Variants in CNTNAP2 observed in about 807,000 individuals in gnomAD.
CNTNAP2 encodes contactin associated protein 2.
A neutral mutation model predicts 155.2 loss-of-function variants in CNTNAP2; 98 were observed. That is an observed-to-expected ratio of 0.63 (90% CI 0.54 to 0.75). CNTNAP2 has a LOEUF of 0.75. Ranked by LOEUF, CNTNAP2 falls within the 30% of genes least tolerant of loss-of-function variation. CNTNAP2 has a pLI of 0.00. For synonymous variants in CNTNAP2, 651 were observed against 631.2 expected (o/e 1.03, Z -0.47); for missense variants, 1,727 against 1,688.1 (o/e 1.02, Z -0.40).
At chr7:147,551,655 C>T (rs1799854728) in intron 11 of CNTNAP2, among the ~76,000 whole-genome samples, 1 of 152,146 alleles carries the variant, frequency 6.6e-6, no homozygotes, top group Non-Finnish European at 1.5e-5. Context: ...TATCCTGAAC[C>T]TAAATCAGAT....
At chr7:146,728,638 C>T (rs1230139614) in intron 1 of CNTNAP2, among the ~76,000 whole-genome samples, 3 of 151,298 alleles carry the variant, frequency 2.0e-5, no homozygotes, top group Non-Finnish European at 4.4e-5. Context: ...AAACAACAGC[C>T]TTTGTCCTAA....
intron 22 of CNTNAP2, among the ~76,000 whole-genome samples, chr7:148,388,848 T>A (rs535271770): frequency 6.6e-6 from 1 of 151,972 alleles, no homozygotes; most frequent in Non-Finnish European, 1.5e-5. Context: ...AGAACAGCGG[T>A]TTTTCGTGAA....
chr7:146,705,829 A>G (rs915795243), intron 1 of CNTNAP2, among the ~76,000 whole-genome samples: 9 of 152,058 alleles, frequency 5.9e-5, no homozygotes, highest in Non-Finnish European at 8.8e-5. Flanking sequence ...CACTTGACAC[A>G]TAGGGATTAT....
At chr7:148,164,154 C>T (rs527376406) in intron 17 of CNTNAP2, among the ~76,000 whole-genome samples, 10 of 152,224 alleles carry the variant, frequency 6.6e-5, no homozygotes, top group African/African-American at 2.2e-4. Context: ...AGGCTGGTCT[C>T]GAACTCCTGA....
chr7:146,128,259 G>T (rs1032207875), intron 1 of CNTNAP2, among the ~76,000 whole-genome samples: 12 of 152,166 alleles, frequency 7.9e-5, no homozygotes, highest in African/African-American at 2.9e-4. Context: ...ATTAGGTACT[G>T]TACTGGTTGC....
intron 13 of CNTNAP2, among the ~76,000 whole-genome samples, chr7:147,865,809 C>G (rs1257447002): frequency 6.6e-6 from 1 of 151,786 alleles, no homozygotes; most frequent in Non-Finnish European, 1.5e-5. Flanking sequence ...CTATTTGATT[C>G]TTCTCTGTTT....
At chr7:148,309,068 T>G (rs1451635092) in intron 21 of CNTNAP2, among the ~76,000 whole-genome samples, 1 of 152,204 alleles carries the variant, frequency 6.6e-6, no homozygotes, top group Admixed American at 6.5e-5. Context: ...GTAGAATGAC[T>G]TATAATCCTT....
rs1798380932 is a variant in CNTNAP2 at position 148,349,403 on chromosome 7, CT to C, written c.3476-34245del. Among the ~76,000 whole-genome samples, 2 of 8,680 alleles carry C rather than the reference CT, an allele frequency of 2.3e-4. 1 individual carries two copies. The highest frequency in any genetic ancestry group is 5.3e-4 in the African/African-American group (2 of 3,798). 5.7% of individuals were successfully genotyped at this position (8,680 alleles called of 152,430 possible). ...GAGCTTTAAAAATTGCAAAAAAAAT[CT>C]CTCTTTTTTTTTTTTGAGACAGAGT... On this transcript the variant is annotated intron_variant, in intron 21 of 23. Transcript: ENST00000361727.
At chr7:146,714,148 G>A (rs915007273) in intron 1 of CNTNAP2, among the ~76,000 whole-genome samples, 11 of 152,210 alleles carry the variant, frequency 7.2e-5, no homozygotes, top group East Asian at 1.9e-4. Flanking sequence ...CTTCCGTGAC[G>A]CATGATCATG....
intron 8 of CNTNAP2, among the ~76,000 whole-genome samples, chr7:147,172,808 T>C (rs1234013283): frequency 5.3e-5 from 8 of 152,146 alleles, no homozygotes; most frequent in Non-Finnish European, 2.9e-5. Flanking sequence ...TATGCACGAG[T>C]TCCTTGCAGG....
chr7:146,641,872 G>T (rs937963096), intron 1 of CNTNAP2, among the ~76,000 whole-genome samples: 15 of 152,054 alleles, frequency 9.9e-5, no homozygotes, highest in Admixed American at 7.2e-4. Context: ...GTTATTATTT[G>T]CAAACTTGGC....
intron 6 of CNTNAP2, 44 bp from the exon 7 acceptor site, chr7:147,128,649 A>T (rs541651743): frequency 6.2e-7 from 1 of 1,610,958 alleles, no homozygotes; most frequent in Non-Finnish European, 8.5e-7. Context: ...CTAGTTCATC[A>T]TAATACAATG....
chr7:148,312,648 C>A (rs993739261), intron 21 of CNTNAP2, among the ~76,000 whole-genome samples: 1 of 152,056 alleles, frequency 6.6e-6, no homozygotes, highest in African/African-American at 2.4e-5. Flanking sequence ...AGGCGCAGAT[C>A]CTGAACTAAC....
chr7:148,394,031 G>A (rs1350262893), intron 22 of CNTNAP2, among the ~76,000 whole-genome samples: 1 of 150,656 alleles, frequency 6.6e-6, no homozygotes, highest in Non-Finnish European at 1.5e-5. Context: ...TTTTTTCCAT[G>A]TAAAAGTTAC....
intron 13 of CNTNAP2, among the ~76,000 whole-genome samples, chr7:147,876,625 C>A (rs1018006406): frequency 8.9e-6 from 1 of 112,508 alleles, no homozygotes; most frequent in African/African-American, 3.4e-5. Flanking sequence ...CTTCCTTTCC[C>A]TCCACATTTT....
chr7:146,902,036 CG>C (rs1796014690), intron 3 of CNTNAP2, among the ~76,000 whole-genome samples: 1 of 151,966 alleles, frequency 6.6e-6, no homozygotes, highest in East Asian at 1.9e-4. Context: ...CCACCTCGCC[CG>C]GCTAATTTTT....
chr7:147,073,524 C>T (rs182879047), intron 4 of CNTNAP2, among the ~76,000 whole-genome samples: 2 of 152,056 alleles, frequency 1.3e-5, no homozygotes, highest in East Asian at 1.9e-4. Context: ...TAATTGAAAC[C>T]GTGTTTGGAT....
rs1335247791 is a variant in CNTNAP2 at position 148,267,138 on chromosome 7, G to T, written c.3475+12G>T. On this transcript the variant is annotated intron_variant, in intron 21 of 23. Coordinates refer to ENST00000361727, the MANE Select transcript of CNTNAP2 (RefSeq NM_014141.6). ...GGGAAAAGTTATAGGTAAGAATGTG[G>T]TTCGTTAGGTATAAATGCGTGCTAC... The T allele has an allele frequency of 6.2e-7, 1 of 1,602,664 alleles. No homozygotes were observed. Among genetic ancestry groups the T allele is most frequent in the Admixed American group, 1.7e-5 (1 of 59,998 alleles).
chr7:147,723,162 A>T (rs1006033950), intron 13 of CNTNAP2, among the ~76,000 whole-genome samples: 4 of 149,678 alleles, frequency 2.7e-5, no homozygotes, highest in African/African-American at 9.8e-5. Context: ...TCTCTCCTCT[A>T]CTCCATGAAA....
Sources: allele counts gnomAD v4.1 joint callset (sites outside exome capture counted in the v4.1 genomes callset), GRCh38; gene constraint gnomAD v4.1.1; transcripts MANE v1.5; gene names NCBI Gene and HGNC (gene_info 2026-07-23, HGNC 2026-07-21).